NME7: variants seen among roughly 807,000 people sequenced by gnomAD.
NME7 encodes nucleoside diphosphate kinase 7.
A neutral mutation model predicts 49.1 loss-of-function variants in NME7; 41 were observed. The ratio of observed to expected loss-of-function variants is 0.83; its 90% CI spans 0.65 to 1.08. The LOEUF (loss-of-function observed/expected upper bound fraction) is 1.08. NME7 is among the 50% of genes least tolerant of loss of function. The pLI is 0.00. For synonymous variants in NME7, 139 were observed against 150.6 expected (o/e 0.92, Z 0.56); for missense variants, 423 against 463.4 (o/e 0.91, Z 0.80).
At chr1:169,202,454 C>A (rs1660576897) in intron 10 of NME7, among the ~76,000 whole-genome samples, 1 of 152,192 alleles carries the variant, frequency 6.6e-6, no homozygotes, top group Admixed American at 6.5e-5. Flanking sequence ...CCTATAAAAC[C>A]ATGAGCCAAT....
chr1:169,254,574 T>C (rs1297551791), intron 7 of NME7, among the ~76,000 whole-genome samples: 1 of 151,200 alleles, frequency 6.6e-6, no homozygotes, highest in Non-Finnish European at 1.5e-5. Flanking sequence ...TCAGTTCTGC[T>C]CTGATTTTAG....
chr1:169,283,782 C>G (rs991295203), intron 7 of NME7: 1 of 152,200 alleles, frequency 6.6e-6, no homozygotes, highest in African/African-American at 2.4e-5. Flanking sequence ...CCCCCACTCT[C>G]TTCTGGCTTG....
intron 4 of NME7, among the ~76,000 whole-genome samples, chr1:169,304,263 C>T (rs1224370263): frequency 3.3e-5 from 5 of 152,148 alleles, no homozygotes; most frequent in Non-Finnish European, 4.4e-5. Context: ...TCTCCTAACA[C>T]TGTGTAGTTT....
chr1:169,367,628 A>G, intron 1 of NME7, 80 bp downstream of exon 1: 1 of 1,546,948 alleles, frequency 6.5e-7, no homozygotes, highest in Non-Finnish European at 8.9e-7. Flanking sequence ...GACAACTTTA[A>G]GTGCCCATCC....
chr1:169,286,664 T>C (rs1189498812), intron 7 of NME7: 2 of 152,050 alleles, frequency 1.3e-5, no homozygotes, highest in African/African-American at 2.4e-5. Flanking sequence ...ACTAGAGGTA[T>C]GGCAGACATT....
At chr1:169,135,979 A>C (rs1285083915) in intron 11 of NME7, among the ~76,000 whole-genome samples, 1 of 152,072 alleles carries the variant, frequency 6.6e-6, no homozygotes, top group African/African-American at 2.4e-5. Context: ...CAAAACTTGG[A>C]TTTCATAAAA....
chr1:169,132,650 G>A lies in NME7; in HGVS notation c.*135C>T. ...GTTCTAACATATGTAATAATTGCCA[G>A]GAGTACAGTGCTCTTGTTGATCTTG... On this transcript the variant is annotated 3_prime_UTR_variant, in exon 12 of 12. Transcript: ENST00000367811. 1.4e-6 allele frequency: 1 copy of A among 738,446 alleles called. No individual in the cohort carries two copies. Among genetic ancestry groups the A allele is most frequent in the South Asian group, 2.0e-5 (1 of 49,854 alleles). The allele number at this position is 738,446 out of a possible 1,614,324, so 45.7% of individuals were successfully genotyped here. A position where few individuals can be genotyped will look rare whatever the true frequency, so the allele number is the denominator to read the frequency against.
At chr1:169,278,691 G>A (rs1318658053) in intron 7 of NME7, among the ~76,000 whole-genome samples, 1 of 152,184 alleles carries the variant, frequency 6.6e-6, no homozygotes, top group African/African-American at 2.4e-5. Context: ...ACTCGTCAAA[G>A]TCATTCTCCA....
chr1:169,186,092 G>A (rs1186433860), intron 10 of NME7, among the ~76,000 whole-genome samples: 1 of 152,010 alleles, frequency 6.6e-6, no homozygotes, highest in Non-Finnish European at 1.5e-5. Context: ...TTGCAAAATG[G>A]GTAAAGATGA....
rs1649034014 is a variant in NME7 at position 169,258,256 on chromosome 1, C to G, written c.755-20569G>C. Among the ~76,000 whole-genome samples, 6 of 125,758 alleles carry G rather than the reference C, an allele frequency of 4.8e-5. No individual in the cohort carries two copies. In the South Asian group the frequency reaches 1.5e-3, roughly 31 times the overall value. 82.5% of individuals were successfully genotyped at this position (125,758 alleles called of 152,430 possible). A position where few individuals can be genotyped will look rare whatever the true frequency, so the allele number is the denominator to read the frequency against. On this transcript the variant is annotated intron_variant, in intron 7 of 11. Transcript: ENST00000367811. ...GCTTGGGAGGCTGAGGTGGAAGGAT[C>G]ACTTGACTGCAGGAGGTTGTGGTTG...
intron 7 of NME7, among the ~76,000 whole-genome samples, chr1:169,244,826 CT>C (rs1457858206): frequency 4.0e-5 from 6 of 151,660 alleles, no homozygotes; most frequent in African/African-American, 1.5e-4. Context: ...AATATTTTCC[CT>C]TGATATCACA....
At chr1:169,234,724 G>C (rs954416418) in intron 9 of NME7, among the ~76,000 whole-genome samples, 1 of 152,014 alleles carries the variant, frequency 6.6e-6, no homozygotes, top group Non-Finnish European at 1.5e-5. Context: ...TCTACAGAGG[G>C]GGAAGAAAAA....
chr1:169,337,975 CTA>C (rs1345516408), intron 1 of NME7, among the ~76,000 whole-genome samples: 1 of 152,146 alleles, frequency 6.6e-6, no homozygotes, highest in Non-Finnish European at 1.5e-5. Flanking sequence ...CTTCATAAAT[CTA>C]TCTTGTAAAG....
At chr1:169,220,531 G>A (rs1046180758) in intron 10 of NME7, among the ~76,000 whole-genome samples, 5 of 151,828 alleles carry the variant, frequency 3.3e-5, no homozygotes, top group African/African-American at 7.3e-5. Context: ...TCTTTTTCTC[G>A]GTTAGACAAA....
At chr1:169,354,553 A>T (rs1653309898) in intron 1 of NME7, among the ~76,000 whole-genome samples, 1 of 151,502 alleles carries the variant, frequency 6.6e-6, no homozygotes, top group Admixed American at 6.6e-5. Context: ...CACAAAGAAT[A>T]AATACTTGAG....
chr1:169,272,933 T>A (rs1019435173), intron 7 of NME7, among the ~76,000 whole-genome samples: 1 of 133,518 alleles, frequency 7.5e-6, no homozygotes, highest in Non-Finnish European at 1.8e-5. Context: ...AGTGTTCCTT[T>A]TTCTCCACAG....
intron 11 of NME7, among the ~76,000 whole-genome samples, chr1:169,134,283 C>A (rs1480221798): frequency 2.6e-5 from 4 of 152,232 alleles, no homozygotes; most frequent in Non-Finnish European, 5.9e-5. Flanking sequence ...ATTTCTCAGA[C>A]TCTTCAATAC....
intron 11 of NME7, among the ~76,000 whole-genome samples, chr1:169,144,111 CT>C (rs1658685332): frequency 3.9e-5 from 6 of 152,042 alleles, no homozygotes; most frequent in Non-Finnish European, 7.4e-5. Flanking sequence ...TTAAGCTATG[CT>C]ATATCAAATT....
chr1:169,160,942 G>T (rs1212142272), intron 11 of NME7, among the ~76,000 whole-genome samples: 1 of 152,146 alleles, frequency 6.6e-6, no homozygotes, highest in Non-Finnish European at 1.5e-5. Context: ...CAGGAAACCA[G>T]AATTTTCTCC....
Sources: allele counts gnomAD v4.1 joint callset (sites outside exome capture counted in the v4.1 genomes callset), GRCh38; gene constraint gnomAD v4.1.1; transcripts MANE v1.5; gene names NCBI Gene and HGNC (gene_info 2026-07-23, HGNC 2026-07-21).